Variants in CHMP1A observed in about 807,000 individuals in gnomAD.
CHMP1A encodes charged multivesicular body protein 1A, also known as VPS46 homolog A.
Under a neutral mutation model 27.0 loss-of-function variants are expected in CHMP1A, and 17 were observed. The observed-to-expected ratio is 0.63, with a 90% confidence interval of 0.43 to 0.95. The LOEUF (loss-of-function observed/expected upper bound fraction) is 0.95, where lower values mean the gene tolerates loss of function less well. Ranked by LOEUF, CHMP1A falls within the 40% of genes least tolerant of loss-of-function variation. The pLI, the probability that CHMP1A is intolerant of heterozygous loss-of-function variation, is 0.00. For synonymous variants in CHMP1A, 131 were observed against 107.5 expected (o/e 1.22, Z -1.35); for missense variants, 275 against 264.0 (o/e 1.04, Z -0.29).
intron 2 of CHMP1A, 24 bp downstream of exon 2, chr16:89,653,880 G>C (rs754831534): frequency 6.2e-7 from 1 of 1,611,780 alleles, no homozygotes; most frequent in Non-Finnish European, 8.5e-7. Context: ...ACAGGGCTGG[G>C]GTGAACGGCC....
chr16:89,656,229 C>A (rs1417347773), intron 1 of CHMP1A, among the ~76,000 whole-genome samples: 1 of 152,158 alleles, frequency 6.6e-6, no homozygotes, highest in East Asian at 1.9e-4. Flanking sequence ...CTCCGCCTCC[C>A]GGGTTCACGC....
Position 89,651,551 on chromosome 16 carries a change from C to T in CHMP1A, c.105+18G>A, listed in dbSNP as rs763354032. ...ACAAACCAGGAGAGTCATGACCCCA[C>T]AGCCCCCAGGGTCTCACCTTCTTCA... On this transcript the variant is annotated intron_variant, in intron 3 of 6. Transcript: ENST00000397901. The T allele has an allele frequency of 2.5e-6, 4 of 1,612,178 alleles. No individual in the cohort carries two copies. The highest frequency in any genetic ancestry group is 2.5e-6 in the Non-Finnish European group (3 of 1,178,634).
intron 3 of CHMP1A, among the ~76,000 whole-genome samples, chr16:89,650,295 C>G (rs2059813886): frequency 6.6e-6 from 1 of 152,122 alleles, no homozygotes; most frequent in Admixed American, 6.5e-5. Flanking sequence ...TCTCCCGCCT[C>G]AGCCTTCCGA....
intron 3 of CHMP1A, among the ~76,000 whole-genome samples, chr16:89,650,528 G>A (rs913875897): frequency 4.6e-5 from 7 of 152,212 alleles, no homozygotes; most frequent in Non-Finnish European, 4.4e-5. Context: ...AGGATCCGCT[G>A]GGCCCAGTGG....
Position 89,645,651 on chromosome 16 carries a change from C to A in CHMP1A, c.*415G>T, listed in dbSNP as rs1056848919. On this transcript the variant is annotated 3_prime_UTR_variant, in exon 7 of 7. Transcript: ENST00000397901. Reference sequence around the variant, plus strand: ...GGCTATGTCTGTCCACATGGTGGGACCTCCTGCCCGCTGAGGTGGTGCGGA... The same window carrying A: ...GGCTATGTCTGTCCACATGGTGGGAACTCCTGCCCGCTGAGGTGGTGCGGA... 9.1e-6 allele frequency: 3 copies of A among 329,930 alleles called. No homozygotes were observed. The highest frequency in any genetic ancestry group is 7.2e-5 in the South Asian group (3 of 41,908). The allele number at this position is 329,930 out of a possible 1,614,324, so 20.4% of individuals were successfully genotyped here.
At chr16:89,651,486 C>G in intron 3 of CHMP1A, 83 bp downstream of exon 3, 5 of 1,362,838 alleles carry the variant, frequency 3.7e-6, no homozygotes, top group Non-Finnish European at 5.2e-6. Flanking sequence ...GGCATCAAAA[C>G]AAAACAGGAC....
rs747542634 is a variant in CHMP1A, at chr16:89,657,558, C to T, written c.7+24G>A. On this transcript the variant is annotated intron_variant, in intron 1 of 6. Coordinates refer to ENST00000397901, the MANE Select transcript of CHMP1A (RefSeq NM_002768.5). ...CGGCCCCGCCCCGCGCGCGAGTCCC[C>T]GGAGGACGGCCGCGACCTCTTACCG... The T allele has an allele frequency of 4.3e-6, 7 of 1,609,982 alleles. No homozygotes were observed. The South Asian group carries it at 5.5e-5, about 13-fold the overall frequency.
chr16:89,651,320 G>A (rs559037631), intron 3 of CHMP1A, among the ~76,000 whole-genome samples: 5 of 152,162 alleles, frequency 3.3e-5, no homozygotes, highest in South Asian at 2.1e-4. Flanking sequence ...GCAGTGAGAC[G>A]AGATCGCACC....
chr16:89,649,948 G>A (rs1359671977), intron 3 of CHMP1A, among the ~76,000 whole-genome samples: 2 of 152,020 alleles, frequency 1.3e-5, no homozygotes, highest in African/African-American at 4.8e-5. Flanking sequence ...CAAACACCCA[G>A]GCCCCAGCCC....
intron 1 of CHMP1A, among the ~76,000 whole-genome samples, chr16:89,656,809 G>T (rs79266950): frequency 1.3e-5 from 2 of 152,058 alleles, no homozygotes; most frequent in Admixed American, 1.3e-4. Flanking sequence ...CCGAAAGGCC[G>T]AACAGGCATC....
At chr16:89,647,098 G>A in intron 5 of CHMP1A, 105 bp downstream of exon 5, 3 of 1,539,972 alleles carry the variant, frequency 1.9e-6, no homozygotes, top group Non-Finnish European at 2.6e-6. Flanking sequence ...AGCAACCACA[G>A]GTATGCAGAG....
Position 89,657,651 on chromosome 16 carries a change from G to A in CHMP1A, c.-63C>T, listed in dbSNP as rs1052564007. The A allele has an allele frequency of 1.2e-4, 193 of 1,604,656 alleles. No individual in the cohort carries two copies. Among genetic ancestry groups the A allele is most frequent in the Non-Finnish European group, 1.6e-4 (184 of 1,176,666 alleles). On this transcript the variant is annotated 5_prime_UTR_variant, in exon 1 of 7. Transcript: ENST00000397901. ...GGGACGCCAACTCCGGGCGGTGTCA[G>A]GTCCCGGCGGCGATCGAACCGACCA...
chr16:89,646,694 G>A lies in CHMP1A; in HGVS notation c.402C>T (p.Ser134=), dbSNP rs1175947778. Residue 134 remains serine (S), a synonymous_variant, in exon 6 of 7, where the codon AGC becomes AGT. Transcript: ENST00000397901. ...VHTSVMEDSM[S]SATTLTTPQE... ...GCGGCGTGGTCAGGGTGGTGGCCGA[G>A]CTCATGGAGTCCTCCATCACCTGGG... 6.2e-7 allele frequency: 1 copy of A among 1,609,974 alleles called. No homozygotes were observed. Among genetic ancestry groups the A allele is most frequent in the Non-Finnish European group, 8.5e-7 (1 of 1,178,750 alleles).
chr16:89,645,848 G>C lies in CHMP1A; in HGVS notation c.*218C>G. On this transcript the variant is annotated 3_prime_UTR_variant, in exon 7 of 7. Coordinates refer to ENST00000397901, the MANE Select transcript of CHMP1A (RefSeq NM_002768.5). ...CCCAGAGTCACAGAAATCACCCCCA[G>C]AAATTTGCAGAAACTCAACACCAGG... The C allele has an allele frequency of 6.7e-7, 1 of 1,482,584 alleles. No individual in the cohort carries two copies. Among genetic ancestry groups the C allele is most frequent in the South Asian group, 1.3e-5 (1 of 77,386 alleles). 91.8% of individuals were successfully genotyped at this position (1,482,584 alleles called of 1,614,324 possible). A position where few individuals can be genotyped will look rare whatever the true frequency, so the allele number is the denominator to read the frequency against.
Position 89,645,695 on chromosome 16 carries a change from T to C in CHMP1A, c.*371A>G, listed in dbSNP as rs1427463507. 3.7e-5 allele frequency: 14 copies of C among 382,942 alleles called. No homozygotes were observed. The highest frequency in any genetic ancestry group is 1.5e-4 in the South Asian group (7 of 45,526). 23.7% of individuals were successfully genotyped at this position (382,942 alleles called of 1,614,324 possible). ...GTGCGGAGAGGCCTCAGGGAGTTGTTTGGCAACAGGGCAGCCCTGACCCCC... is the reference window on the plus strand; with the variant it reads ...GTGCGGAGAGGCCTCAGGGAGTTGTCTGGCAACAGGGCAGCCCTGACCCCC... On this transcript the variant is annotated 3_prime_UTR_variant, in exon 7 of 7. Transcript: ENST00000397901.
chr16:89,648,604 G>C (rs2059799277), intron 4 of CHMP1A, among the ~76,000 whole-genome samples: 1 of 152,218 alleles, frequency 6.6e-6, no homozygotes, highest in African/African-American at 2.4e-5. Flanking sequence ...GGCCTGGCCA[G>C]GTACAGTGAC....
intron 5 of CHMP1A, 145 bp downstream of exon 5, chr16:89,647,058 C>T (rs751172259): frequency 7.8e-6 from 12 of 1,532,254 alleles, no homozygotes; most frequent in Middle Eastern, 1.7e-4. Context: ...GGCAGGGACC[C>T]AGCACAGAGG....
intron 6 of CHMP1A, 132 bp downstream of exon 6, chr16:89,646,395 G>A (rs991126104): frequency 9.3e-7 from 1 of 1,072,480 alleles, no homozygotes; most frequent in Non-Finnish European, 1.3e-6. Flanking sequence ...GGGCCTCTGA[G>A]TCGAGATCAG....
chr16:89,650,812 AAAAG>A (rs965866745), intron 3 of CHMP1A, among the ~76,000 whole-genome samples: 2 of 151,778 alleles, frequency 1.3e-5, no homozygotes, highest in Admixed American at 6.6e-5. Flanking sequence ...TCAAAAAAAA[AAAAG>A]ATAGGATCGT....
Sources: gnomAD v4.1 joint callset for allele counts (sites outside exome capture counted in the v4.1 genomes callset) on GRCh38, gnomAD v4.1.1 for gene constraint, MANE v1.5 for transcripts, NCBI Gene and HGNC (gene_info 2026-07-23, HGNC 2026-07-21) for gene names.